Variants in NXPE1 observed in about 807,000 individuals in gnomAD.
The protein encoded by NXPE1 is neurexophilin and PC-esterase domain family member 1.
In NXPE1, 31 loss-of-function variants were observed where a neutral mutation model predicts 33.3. The ratio of observed to expected loss-of-function variants is 0.93; its 90% confidence interval spans 0.70 to 1.26. NXPE1 has a LOEUF of 1.26. Ranked by LOEUF, NXPE1 falls within the 50% of genes most tolerant of loss-of-function variation. The pLI, the probability that NXPE1 is intolerant of heterozygous loss-of-function variation, is 0.00. For synonymous variants in NXPE1, 229 were observed against 231.4 expected (o/e 0.99, Z 0.09); for missense variants, 661 against 655.6 (o/e 1.01, Z -0.09).
chr11:114,528,494 A>G (rs1374848560), intron 6 of NXPE1, among the ~76,000 whole-genome samples: 1 of 152,202 alleles, frequency 6.6e-6, no homozygotes, highest in African/African-American at 2.4e-5. Context: ...CTTTTCTGAC[A>G]AACTTGCTTT....
chr11:114,538,980 C>G (rs1947966770), intron 5 of NXPE1, among the ~76,000 whole-genome samples: 1 of 150,128 alleles, frequency 6.7e-6, no homozygotes, highest in African/African-American at 2.5e-5. Flanking sequence ...AAGACACATG[C>G]ACACGTGTGT....
intron 6 of NXPE1, chr11:114,529,812 C>A: frequency 4.9e-6 from 1 of 202,978 alleles, no homozygotes; most frequent in Non-Finnish European, 1.0e-5. Context: ...AATAGCAGCA[C>A]TGTGCGTGGG....
intron 7 of NXPE1, among the ~76,000 whole-genome samples, chr11:114,525,784 C>A (rs1947350539): frequency 6.6e-6 from 1 of 152,184 alleles, no homozygotes; most frequent in African/African-American, 2.4e-5. Context: ...AGTGTATATT[C>A]AAGCTAGCCA....
intron 7 of NXPE1, among the ~76,000 whole-genome samples, chr11:114,526,010 G>A (rs1392802659): frequency 6.6e-6 from 1 of 152,174 alleles, no homozygotes; most frequent in Non-Finnish European, 1.5e-5. Flanking sequence ...GGATTACATG[G>A]GTAGGCCCAA....
At chr11:114,522,248 A>G in exon 9 of NXPE1, 1 of 1,614,112 alleles carries the variant, frequency 6.2e-7, no homozygotes, top group Non-Finnish European at 8.5e-7. Context: ...TTGAACACCG[A>G]TGGCCCTGCG....
intron 5 of NXPE1, among the ~76,000 whole-genome samples, chr11:114,546,986 G>A (rs147072009): frequency 6.6e-6 from 1 of 152,250 alleles, no homozygotes; most frequent in African/African-American, 2.4e-5. Context: ...AAACAAATAT[G>A]TAAGGGATAA....
At chr11:114,553,770 T>C in intron 1 of NXPE1, 1 of 985,242 alleles carries the variant, frequency 1.0e-6, no homozygotes, top group Non-Finnish European at 1.2e-6. Flanking sequence ...CTGGTAGAGG[T>C]GAGCTGAACC....
At chr11:114,536,140 C>A (rs970204646) in intron 5 of NXPE1, among the ~76,000 whole-genome samples, 2 of 151,222 alleles carry the variant, frequency 1.3e-5, no homozygotes, top group Non-Finnish European at 3.0e-5. Flanking sequence ...ACTCAAAACC[C>A]CTCAACTACA....
chr11:114,522,118 G>A, exon 9 of NXPE1: 1 of 1,614,102 alleles, frequency 6.2e-7, no homozygotes, highest in Middle Eastern at 1.7e-4. Flanking sequence ...TGATAAGATA[G>A]TGAATATAAC....
intron 7 of NXPE1, among the ~76,000 whole-genome samples, chr11:114,527,494 A>C (rs545936143): frequency 1.3e-5 from 2 of 152,224 alleles, no homozygotes; most frequent in Non-Finnish European, 2.9e-5. Flanking sequence ...GGGTTATGCC[A>C]ACAGAGAGTT....
intron 5 of NXPE1, among the ~76,000 whole-genome samples, chr11:114,546,428 G>A (rs1430751007): frequency 6.6e-6 from 1 of 151,274 alleles, no homozygotes; most frequent in African/African-American, 2.4e-5. Context: ...AGATATGCAT[G>A]TATTACTGGC....
chr11:114,529,759 C>A, intron 6 of NXPE1: 1 of 170,000 alleles, frequency 5.9e-6, no homozygotes, highest in Non-Finnish European at 1.3e-5. Context: ...AGTTGGGAAG[C>A]TGGTATGGGT....
chr11:114,558,220 A>G lies in NXPE1; in HGVS notation c.-211+1578T>C, dbSNP rs185084583. Among the ~76,000 whole-genome samples the G allele has an allele frequency of 3.5e-3, 526 of 152,274 alleles. 1 individual carries two copies. The highest frequency in any genetic ancestry group is 5.6e-3 in the Non-Finnish European group (384 of 68,018). ...TATGTGTTTATGTGTGTGTGTATAT[A>G]TATATCCATATATATGCACATTCTA... On this transcript the variant is annotated intron_variant, in intron 1 of 8. Transcript: ENST00000534921.
chr11:114,553,869 C>T (rs1377956613), intron 1 of NXPE1: 1 of 963,512 alleles, frequency 1.0e-6, no homozygotes, highest in East Asian at 1.2e-4. Flanking sequence ...TTGAAATAGG[C>T]CATGATGGGT....
chr11:114,540,142 A>C (rs770027455), intron 5 of NXPE1, among the ~76,000 whole-genome samples: 6 of 152,188 alleles, frequency 3.9e-5, no homozygotes, highest in Non-Finnish European at 7.3e-5. Flanking sequence ...TTTTTAGTAG[A>C]GATGGGGTTT....
At chr11:114,537,393 A>C (rs570212571) in intron 5 of NXPE1, among the ~76,000 whole-genome samples, 364 of 152,258 alleles carry the variant, frequency 2.4e-3, no homozygotes, top group African/African-American at 7.9e-3. Flanking sequence ...CCCTCTATCA[A>C]CACTCCTATT....
exon 8 of NXPE1, chr11:114,523,080 T>C (rs987874259): frequency 5.6e-6 from 9 of 1,611,964 alleles, no homozygotes; most frequent in Non-Finnish European, 7.6e-6. Context: ...GTCTCTTCTA[T>C]TTTTTCTCTC....
chr11:114,538,784 A>G (rs1276098859), intron 5 of NXPE1, among the ~76,000 whole-genome samples: 4 of 152,256 alleles, frequency 2.6e-5, no homozygotes, highest in Admixed American at 1.3e-4. Flanking sequence ...TCAGGAAACA[A>G]CAGGTGCTGG....
chr11:114,522,788 A>G, intron 8 of NXPE1, 91 bp downstream of exon 8: 1 of 926,794 alleles, frequency 1.1e-6, no homozygotes, highest in Non-Finnish European at 1.7e-6. Context: ...GAAGTAAAAA[A>G]CAAAATAGCT....
Sources: gnomAD v4.1 joint callset for allele counts (sites outside exome capture counted in the v4.1 genomes callset) on GRCh38, gnomAD v4.1.1 for gene constraint, MANE v1.5 for transcripts, NCBI Gene and HGNC (gene_info 2026-07-23, HGNC 2026-07-21) for gene names.